Variants in DPP4 observed in about 807,000 individuals in gnomAD.
DPP4 encodes ADCP-2.
Under a neutral mutation model 122.4 loss-of-function variants are expected in DPP4, and 93 were observed. That is an observed-to-expected ratio of 0.76 (90% CI 0.64 to 0.90). DPP4 has a LOEUF of 0.90. Among genes scored for constraint, DPP4 ranks in the 40% least tolerant of loss-of-function variants. DPP4 has a pLI of 0.00. For synonymous variants in DPP4, 321 were observed against 302.9 expected (o/e 1.06, Z -0.62); for missense variants, 914 against 907.3 (o/e 1.01, Z -0.09).
intron 10 of DPP4, among the ~76,000 whole-genome samples, chr2:162,026,571 C>T (rs896389998): frequency 2.6e-5 from 4 of 152,190 alleles, no homozygotes; most frequent in Non-Finnish European, 4.4e-5. Flanking sequence ...TAAATGTCCC[C>T]TCATCCACGA....
At chr2:162,017,263 T>C (rs1373131059) in intron 16 of DPP4, 108 bp from the exon 17 acceptor site, 6 of 876,760 alleles carry the variant, frequency 6.8e-6, no homozygotes, top group Non-Finnish European at 8.8e-6. Context: ...TTTGATAGAA[T>C]ATATAAATAT....
At chr2:162,034,747 A>T (rs1470832674) in intron 9 of DPP4, among the ~76,000 whole-genome samples, 1 of 152,198 alleles carries the variant, frequency 6.6e-6, no homozygotes, top group African/African-American at 2.4e-5. Context: ...AACCACTAAA[A>T]CTAGTCATGT....
chr2:162,041,526 T>C (rs141110451), intron 5 of DPP4, among the ~76,000 whole-genome samples: 240 of 152,334 alleles, frequency 1.6e-3, no homozygotes, highest in African/African-American at 5.2e-3. Context: ...CTCCCTTCTA[T>C]GCTCTCATGT....
chr2:162,040,935 A>C (rs921863693), intron 5 of DPP4, among the ~76,000 whole-genome samples: 9 of 152,096 alleles, frequency 5.9e-5, no homozygotes, highest in Non-Finnish European at 1.0e-4. Flanking sequence ...TTAAAAAAAA[A>C]TGAATCAGAG....
chr2:162,003,389 A>T (rs1241808935), intron 23 of DPP4, among the ~76,000 whole-genome samples: 1 of 152,152 alleles, frequency 6.6e-6, no homozygotes, highest in Non-Finnish European at 1.5e-5. Context: ...ACTACAACTA[A>T]TTATCCTATC....
chr2:162,009,429 C>A, intron 20 of DPP4, 134 bp from the exon 21 acceptor site: 2 of 688,554 alleles, frequency 2.9e-6, no homozygotes, highest in South Asian at 3.5e-5. Context: ...TGCCAGTAAT[C>A]AAATAAACAC....
At chr2:162,067,471 T>A (rs1477737727) in intron 2 of DPP4, among the ~76,000 whole-genome samples, 1 of 152,200 alleles carries the variant, frequency 6.6e-6, no homozygotes, top group Admixed American at 6.5e-5. Context: ...TGGCTTTGGC[T>A]CTGCCTTACA....
chr2:162,047,273 G>T (rs1187847989), intron 3 of DPP4, 130 bp downstream of exon 3: 3 of 470,420 alleles, frequency 6.4e-6, no homozygotes, highest in Non-Finnish European at 1.1e-5. Context: ...AGTAGAAAAA[G>T]AAAAAAAAAA....
Position 162,033,599 on chromosome 2 carries a change from TGA to T in DPP4, c.827_828del (p.Leu276GlnfsTer26), listed in dbSNP as rs1159831119. On this transcript the variant is annotated frameshift_variant, in exon 10 of 26. Coordinates refer to ENST00000360534, the MANE Select transcript of DPP4 (RefSeq NM_001935.4). LOFTEE classifies it high-confidence loss of function. ...VKFFVVNTDS[L>X]SSVTNATSIQ... ...ATGGAAGTTGCATTGGTGACTGAGC[TGA>T]GAGAGTCTGTATTTACAACAAAGAA... The T allele has an allele frequency of 1.2e-6, 2 of 1,613,188 alleles. No individual in the cohort carries two copies. The highest frequency in any genetic ancestry group is 1.1e-5 in the South Asian group (1 of 91,022).
At chr2:162,046,681 G>A in intron 4 of DPP4, 1 of 587,536 alleles carries the variant, frequency 1.7e-6, no homozygotes, top group South Asian at 1.5e-5. Context: ...AAATGAAGAT[G>A]GAGCCCCAAG....
At chr2:162,035,075 G>T (rs1683719303) in intron 9 of DPP4, 89 bp downstream of exon 9, 1 of 1,334,988 alleles carries the variant, frequency 7.5e-7, no homozygotes, top group South Asian at 1.6e-5. Context: ...AAGAGAGACT[G>T]ACAATATTTT....
intron 22 of DPP4, among the ~76,000 whole-genome samples, chr2:162,007,918 G>C (rs1288390359): frequency 6.6e-6 from 1 of 152,016 alleles, no homozygotes; most frequent in Non-Finnish European, 1.5e-5. Context: ...CAGAAGACTT[G>C]AGATGGGGTT....
At chr2:162,067,705 T>A (rs1190390741) in intron 2 of DPP4, among the ~76,000 whole-genome samples, 1 of 152,218 alleles carries the variant, frequency 6.6e-6, no homozygotes, top group Admixed American at 6.5e-5. Context: ...TGGTTTCAGG[T>A]TACTCTCAAA....
chr2:162,071,535 G>C (rs929632490), intron 2 of DPP4, among the ~76,000 whole-genome samples: 2 of 152,078 alleles, frequency 1.3e-5, no homozygotes, highest in Non-Finnish European at 2.9e-5. Flanking sequence ...CCAGCTACTC[G>C]GGAGGCTGAG....
intron 18 of DPP4, among the ~76,000 whole-genome samples, chr2:162,016,561 A>C (rs374318197): frequency 6.6e-6 from 1 of 152,268 alleles, no homozygotes; most frequent in African/African-American, 2.4e-5. Context: ...CCTTTTTGAC[A>C]GAATAAGTTT....
Position 162,017,117 on chromosome 2 carries a change from T to A in DPP4, c.1459A>T (p.Asn487Tyr), listed in dbSNP as rs1483028656. 2 of 1,612,046 alleles carry A rather than the reference T, an allele frequency of 1.2e-6. No homozygotes were observed. The highest frequency in any genetic ancestry group is 2.7e-5 in the African/African-American group (2 of 74,868). Residue 487 changes from asparagine (N) to tyrosine (Y), a missense_variant, in exon 17 of 26, where the codon AAT becomes TAT. Asn to Tyr is a moderately radical substitution (Grantham distance 143). Transcript: ENST00000360534. ...AAATATGAGAAAATACCTTTATCATTCACGCTGCTGTGTAGAGTATAGAGG... is the reference window on the plus strand; with the variant it reads ...AAATATGAGAAAATACCTTTATCATACACGCTGCTGTGTAGAGTATAGAGG... ...LPLYTLHSSVNDKGLRVLEDN... is the reference protein window; with the variant it reads ...LPLYTLHSSVYDKGLRVLEDN...
chr2:162,073,134 A>G (rs1226768819), intron 2 of DPP4: 2 of 336,758 alleles, frequency 5.9e-6, no homozygotes, highest in Non-Finnish European at 1.1e-5. Context: ...AAAAATCCCG[A>G]CTCTCCCTAA....
intron 12 of DPP4, among the ~76,000 whole-genome samples, chr2:162,022,123 T>G (rs1185148744): frequency 3.3e-5 from 5 of 152,186 alleles, no homozygotes. Context: ...AGTTCCTTCA[T>G]CAACTCATTA....
rs780699174 is a variant in DPP4 at position 162,039,116 on chromosome 2, T to C, written c.419+16A>G. 9.3e-6 allele frequency: 15 copies of C among 1,612,536 alleles called. No individual in the cohort carries two copies. Among genetic ancestry groups the C allele is most frequent in the Admixed American group, 3.3e-5 (2 of 59,870 alleles). The stretch of plus-strand genomic sequence containing the variant: ...CAGTAGGAAAGCCTAATAGATTTTA[T>C]TGGGAAGTCACTGACCTTTTATTTA... On this transcript the variant is annotated intron_variant, in intron 6 of 25. Coordinates refer to ENST00000360534, the MANE Select transcript of DPP4 (RefSeq NM_001935.4).
Sources: allele counts gnomAD v4.1 joint callset (sites outside exome capture counted in the v4.1 genomes callset), GRCh38; gene constraint gnomAD v4.1.1; transcripts MANE v1.5; gene names NCBI Gene and HGNC (gene_info 2026-07-23, HGNC 2026-07-21).